FKBP5: variants seen among roughly 807,000 people sequenced by gnomAD.
The protein encoded by FKBP5 is peptidyl-prolyl cis-trans isomerase FKBP5.
FKBP5 carries 23 observed loss-of-function variants against 50.5 expected under a neutral mutation model. That is an observed-to-expected ratio of 0.46 (90% CI 0.33 to 0.65). FKBP5 has a LOEUF of 0.65. Ranked by LOEUF, FKBP5 falls within the 30% of genes least tolerant of loss-of-function variation. The pLI, the probability that FKBP5 is intolerant of heterozygous loss-of-function variation, is 0.02. For synonymous variants in FKBP5, 176 were observed against 190.6 expected (o/e 0.92, Z 0.63); for missense variants, 411 against 553.1 (o/e 0.74, Z 2.58).
At chr6:35,658,189 A>G (rs940248616) in intron 1 of FKBP5, among the ~76,000 whole-genome samples, 4 of 152,102 alleles carry the variant, frequency 2.6e-5, no homozygotes, top group African/African-American at 7.2e-5. Context: ...ATCCTGGCTA[A>G]CACGGTGAAA....
At chr6:35,640,136 C>T (rs1165881655) in intron 2 of FKBP5, among the ~76,000 whole-genome samples, 1 of 152,180 alleles carries the variant, frequency 6.6e-6, no homozygotes. Flanking sequence ...CGCTTAAGGA[C>T]AGGGATATGT....
chr6:35,638,099 T>A (rs1050626300), intron 2 of FKBP5, among the ~76,000 whole-genome samples: 1 of 152,212 alleles, frequency 6.6e-6, no homozygotes, highest in Non-Finnish European at 1.5e-5. Context: ...GTGTATTTAT[T>A]TTGTTCTTGG....
intron 6 of FKBP5, among the ~76,000 whole-genome samples, chr6:35,594,161 C>A (rs1055178450): frequency 1.3e-5 from 2 of 151,918 alleles, no homozygotes; most frequent in African/African-American, 2.4e-5. Flanking sequence ...TTGAGACCAG[C>A]CTGGACAACA....
intron 2 of FKBP5, among the ~76,000 whole-genome samples, chr6:35,719,180 T>C (rs1268888945): frequency 6.6e-6 from 1 of 152,210 alleles, no homozygotes; most frequent in African/African-American, 2.4e-5. Context: ...CAGTAACCCC[T>C]TTTTTGAGGC....
At position 35,705,486 on chromosome 6, in the gene FKBP5, C is replaced by T. The variant is rs959847233; in HGVS notation, c.-20+14842G>A. Among the ~76,000 whole-genome samples the T allele has an allele frequency of 4.0e-5, 6 of 151,200 alleles. No homozygotes were observed. The South Asian group carries it at 1.3e-3, about 32-fold the overall frequency. On this transcript the variant is annotated intron_variant, in intron 2 of 11. Transcript: ENST00000536438. ...TACACCATGTTGGTCAGGCTGGTCTCGAACTCCTGACCTCATGATCTGCCC... is the reference window on the plus strand; with the variant it reads ...TACACCATGTTGGTCAGGCTGGTCTTGAACTCCTGACCTCATGATCTGCCC...
At chr6:35,642,356 A>T (rs1764516633) in intron 2 of FKBP5, among the ~76,000 whole-genome samples, 1 of 152,212 alleles carries the variant, frequency 6.6e-6, no homozygotes, top group African/African-American at 2.4e-5. Context: ...CCAGCTACTC[A>T]GAAGGCTGAG....
intron 2 of FKBP5, among the ~76,000 whole-genome samples, chr6:35,713,072 G>T (rs1766442016): frequency 1.1e-5 from 1 of 87,908 alleles, no homozygotes; most frequent in African/African-American, 5.2e-5. Flanking sequence ...GCAAGATCTG[G>T]TCTCTAAAAA....
Position 35,580,100 on chromosome 6 carries a change from A to C in FKBP5, c.962T>G (p.Leu321Arg). 6.2e-7 allele frequency: 1 copy of C among 1,614,204 alleles called. No homozygotes were observed. The highest frequency in any genetic ancestry group is 1.1e-5 in the South Asian group (1 of 91,080). The change falls in exon 9 of 11, where the codon CTG becomes CGG. Residue 321 changes from leucine (L) to arginine (R), a missense_variant. By Grantham distance (102) the Leu-to-Arg change is moderately radical (BLOSUM62 -2). Around this residue, in one of 3 missense-constraint regions of FKBP5, gnomAD observed 267 missense variants for 405.9 expected, o/e 0.66. Coordinates refer to ENST00000357266, the MANE Select transcript of FKBP5 (RefSeq NM_004117.4). Reference protein sequence around the residue: ...ASESFLLAAFLNLAMCYLKLR... With the variant: ...ASESFLLAAFRNLAMCYLKLR... ...CTTCAGGTAGCACATGGCCAGGTTCAGAAAGGCAGCAAGGAGAAATGATTC... is the reference window on the plus strand; with the variant it reads ...CTTCAGGTAGCACATGGCCAGGTTCCGAAAGGCAGCAAGGAGAAATGATTC...
intron 8 of FKBP5, chr6:35,585,145 CA>C: frequency 1.0e-6 from 1 of 981,874 alleles, no homozygotes; most frequent in Non-Finnish European, 1.2e-6. Flanking sequence ...CCAAAAGCCT[CA>C]AATCTTCCCA....
rs199573528 is a variant in FKBP5, at chr6:35,580,245, T to C, written c.841-24A>G. 5.0e-6 allele frequency: 8 copies of C among 1,592,306 alleles called. No homozygotes were observed. In the East Asian group the frequency reaches 1.8e-4, roughly 36 times the overall value. ...CCCTAGGATAAAAAAGCGTCATTAC[T>C]TGTACTCAGCTCTTGAGGGGGTACA... is the stretch of plus-strand genomic sequence containing the variant. On this transcript the variant is annotated intron_variant, in intron 8 of 10. Coordinates refer to ENST00000357266, the MANE Select transcript of FKBP5 (RefSeq NM_004117.4).
At chr6:35,705,236 ATATATATATATATATATATATATTTTT>A (rs1766276388) in intron 2 of FKBP5, among the ~76,000 whole-genome samples, 4 of 74,358 alleles carry the variant, frequency 5.4e-5, no homozygotes, top group South Asian at 1.1e-3. Context: ...ATATATATAT[ATATATATATATATATATATATATTTTT>A]TTTTTTTTTT....
In FKBP5 at chr6:35,590,609, C is replaced by T. The variant is rs140233928; in HGVS notation, c.756+521G>A. Among the ~76,000 whole-genome samples, 109 of 152,202 alleles carry T rather than the reference C, an allele frequency of 7.2e-4. 1 individual carries two copies. The highest frequency in any genetic ancestry group is 2.4e-3 in the African/African-American group (99 of 41,544). On this transcript the variant is annotated intron_variant, in intron 7 of 10. Transcript: ENST00000357266. ...GAGAAGTATAAAAAAAAAATGGCTT[C>T]GGGTTAGCTGCTTTCTTTCTTGTAT...
chr6:35,699,391 C>T (rs1766139466), intron 2 of FKBP5, among the ~76,000 whole-genome samples: 1 of 152,288 alleles, frequency 6.6e-6, no homozygotes, highest in East Asian at 1.9e-4. Flanking sequence ...ACAGCCCAGT[C>T]CAGGTTCAAG....
chr6:35,626,287 G>T (rs1485595856), intron 3 of FKBP5, among the ~76,000 whole-genome samples: 1 of 151,976 alleles, frequency 6.6e-6, no homozygotes. Context: ...AGCATACAAA[G>T]CCCAGTATAA....
chr6:35,637,556 C>T (rs763381417), intron 2 of FKBP5, among the ~76,000 whole-genome samples: 6 of 150,594 alleles, frequency 4.0e-5, no homozygotes, highest in Non-Finnish European at 8.8e-5. Context: ...CTCTGCCTCC[C>T]AGGTTGAAGC....
chr6:35,585,730 T>C, intron 8 of FKBP5: 1 of 974,018 alleles, frequency 1.0e-6, no homozygotes, highest in Non-Finnish European at 1.2e-6. Context: ...AATCCAGTAC[T>C]TACTCATACA....
intron 2 of FKBP5, among the ~76,000 whole-genome samples, chr6:35,708,870 G>C (rs1166878615): frequency 6.6e-6 from 1 of 152,118 alleles, no homozygotes; most frequent in East Asian, 1.9e-4. Context: ...GCATAAAAAT[G>C]ACAGAAGGAT....
chr6:35,633,040 A>T (rs1764206020), intron 3 of FKBP5, among the ~76,000 whole-genome samples: 1 of 152,218 alleles, frequency 6.6e-6, no homozygotes, highest in Non-Finnish European at 1.5e-5. Flanking sequence ...GGATTTTTAC[A>T]GATAGGCTCT....
At chr6:35,615,124 A>AAACAACAACAACAAC (rs534273489) in intron 5 of FKBP5, among the ~76,000 whole-genome samples, 1 of 148,202 alleles carries the variant, frequency 6.7e-6, no homozygotes, top group African/African-American at 2.5e-5. Flanking sequence ...ACTCTGTCGC[A>AAACAACAACAACAAC]AACAACAACA....
Sources: gnomAD v4.1 joint callset for allele counts (sites outside exome capture counted in the v4.1 genomes callset) on GRCh38, gnomAD v4.1.1 for gene constraint, gnomAD v4.1.1 regional missense constraint, MANE v1.5 for transcripts, NCBI Gene and HGNC (gene_info 2026-07-23, HGNC 2026-07-21) for gene names.